MBNL2: variants seen among roughly 807,000 people sequenced by gnomAD.
The protein encoded by MBNL2 is muscleblind-like protein 2.
MBNL2 carries 17 observed loss-of-function variants against 41.9 expected under a neutral mutation model. The ratio of observed to expected loss-of-function variants is 0.41; its 90% CI spans 0.28 to 0.61. The LOEUF is 0.61. MBNL2 is among the 20% of genes least tolerant of loss of function. MBNL2 has a pLI of 0.35. For synonymous variants in MBNL2, 195 were observed against 182.9 expected, an observed-to-expected ratio of 1.07 and a Z score of -0.53; for missense variants, 336 against 505.6, an observed-to-expected ratio of 0.66 and a Z score of 3.22.
chr13:97,271,455 CAAACAAAAAACA>C (rs1182654738), intron 1 of MBNL2, among the ~76,000 whole-genome samples: 2 of 143,354 alleles, frequency 1.4e-5, no homozygotes, highest in African/African-American at 5.8e-5. Context: ...TAAAAAAAAA[CAAACAAAAAACA>C]AAACAAAAAA....
At chr13:97,176,346 A>G in the MBNL2 span, among the ~76,000 whole-genome samples, 3 of 152,172 alleles carry the variant, frequency 2.0e-5, no homozygotes, top group Admixed American at 6.5e-5. Flanking sequence ...CTTTTTTGGA[A>G]CACAGAATTA....
At chr13:97,317,004 T>C (rs946499652) in intron 2 of MBNL2, among the ~76,000 whole-genome samples, 32 of 152,084 alleles carry the variant, frequency 2.1e-4, no homozygotes, top group African/African-American at 7.7e-4. Context: ...GCAGAGGGTA[T>C]AGGAAGTAGA....
intron 2 of MBNL2, among the ~76,000 whole-genome samples, chr13:97,303,176 A>G (rs1011040179): frequency 6.6e-6 from 1 of 152,172 alleles, no homozygotes; most frequent in Non-Finnish European, 1.5e-5. Flanking sequence ...ACATGTGGGC[A>G]GGCTTTGGGA....
At chr13:97,228,945 A>C (rs960223864) in intron 1 of MBNL2, among the ~76,000 whole-genome samples, 2 of 151,870 alleles carry the variant, frequency 1.3e-5, no homozygotes, top group African/African-American at 4.8e-5. Flanking sequence ...AAGTAGAAAT[A>C]GTAGTCCTCA....
upstream of MBNL2, among the ~76,000 whole-genome samples, chr13:97,218,934 C>G (rs1454043693): frequency 6.6e-6 from 1 of 151,276 alleles, no homozygotes; most frequent in Non-Finnish European, 1.5e-5. Flanking sequence ...CTGAGGCCAA[C>G]AGTCTGGCTC....
chr13:97,177,232 A>T, the MBNL2 span, among the ~76,000 whole-genome samples: 1 of 152,100 alleles, frequency 6.6e-6, no homozygotes, highest in Non-Finnish European at 1.5e-5. Context: ...CCAGCTACTC[A>T]GGAGGCTGAG....
chr13:97,382,095 G>T (rs1442903842), intron 8 of MBNL2, among the ~76,000 whole-genome samples: 1 of 152,124 alleles, frequency 6.6e-6, no homozygotes. Context: ...TATTTTCTTA[G>T]TGTGTCCCAC....
At chr13:97,361,019 A>T (rs2063348127) in intron 7 of MBNL2, among the ~76,000 whole-genome samples, 2 of 152,220 alleles carry the variant, frequency 1.3e-5, no homozygotes, top group African/African-American at 4.8e-5. Flanking sequence ...TATTCCATTC[A>T]ATTCATTAAA....
intron 8 of MBNL2, among the ~76,000 whole-genome samples, chr13:97,367,856 C>T (rs1181814218): frequency 6.6e-6 from 1 of 151,992 alleles, no homozygotes; most frequent in Non-Finnish European, 1.5e-5. Context: ...AACCCAGCTT[C>T]GAAACAAACA....
At chr13:97,142,124 G>A in the MBNL2 span, among the ~76,000 whole-genome samples, 1 of 152,106 alleles carries the variant, frequency 6.6e-6, no homozygotes, top group Non-Finnish European at 1.5e-5. Flanking sequence ...AACTCAGAGG[G>A]TTTCTCTATC....
chr13:97,269,433 CATT>C (rs1026964162), intron 1 of MBNL2, among the ~76,000 whole-genome samples: 4 of 152,246 alleles, frequency 2.6e-5, no homozygotes, highest in African/African-American at 9.6e-5. Flanking sequence ...CCTCTCCAGA[CATT>C]ATTAACAGGG....
In MBNL2 at chr13:97,359,315, G is replaced by T. The variant is rs189584495; in HGVS notation, c.1012+1680G>T. ...GGAAGAATATACTGAGGGGAAAAAC[G>T]TAAAAGGAGAAGCCTGTTTCTGAAG... is the stretch of plus-strand genomic sequence containing the variant. On this transcript the variant is annotated intron_variant, in intron 7 of 8. Coordinates refer to ENST00000679496, the MANE Select transcript of MBNL2 (RefSeq NM_001382683.1). 5.3e-5 allele frequency among the ~76,000 whole-genome samples: 8 copies of T among 151,736 alleles called. No homozygotes were observed. The East Asian group carries it at 1.5e-3, about 29-fold the overall frequency.
intron 5 of MBNL2, among the ~76,000 whole-genome samples, chr13:97,356,382 A>T (rs2062984150): frequency 6.6e-6 from 1 of 151,648 alleles, no homozygotes; most frequent in Admixed American, 6.6e-5. Flanking sequence ...AAACTAACTT[A>T]TCAGAAGTTC....
chr13:97,210,181 G>A, the MBNL2 span, among the ~76,000 whole-genome samples: 1 of 152,184 alleles, frequency 6.6e-6, no homozygotes, highest in Non-Finnish European at 1.5e-5. Context: ...TTTTCTAAGT[G>A]TGGTCCAAAG....
intron 2 of MBNL2, among the ~76,000 whole-genome samples, chr13:97,297,869 C>T (rs1005485283): frequency 3.3e-5 from 5 of 151,998 alleles, no homozygotes; most frequent in East Asian, 1.9e-4. Context: ...AGAAATAAGA[C>T]GAAAAGACAA....
At chr13:97,185,360 A>G in the MBNL2 span, among the ~76,000 whole-genome samples, 1 of 152,228 alleles carries the variant, frequency 6.6e-6, no homozygotes, top group East Asian at 1.9e-4. Context: ...ATGCCTTTAC[A>G]TTCCTCCAGG....
At chr13:97,335,146 T>C (rs1395497228) in intron 3 of MBNL2, among the ~76,000 whole-genome samples, 4 of 152,226 alleles carry the variant, frequency 2.6e-5, no homozygotes, top group African/African-American at 7.2e-5. Flanking sequence ...AAGATTTTTT[T>C]CCCTGATTTC....
At chr13:97,216,052 A>C in the MBNL2 span, among the ~76,000 whole-genome samples, 2 of 152,228 alleles carry the variant, frequency 1.3e-5, no homozygotes, top group Non-Finnish European at 2.9e-5. Context: ...AACCCAGAAA[A>C]TGTTAGTCCT....
intron 8 of MBNL2, among the ~76,000 whole-genome samples, chr13:97,365,630 G>A (rs994833060): frequency 9.9e-5 from 15 of 152,226 alleles, no homozygotes; most frequent in African/African-American, 2.9e-4. Flanking sequence ...TTTTGAAACC[G>A]CATGTCTGAG....
Sources: gnomAD v4.1 joint callset for allele counts (sites outside exome capture counted in the v4.1 genomes callset) on GRCh38, gnomAD v4.1.1 for gene constraint, MANE v1.5 for transcripts, NCBI Gene and HGNC (gene_info 2026-07-23, HGNC 2026-07-21) for gene names.